MYT1L: variants seen among roughly 807,000 people sequenced by gnomAD.
MYT1L encodes myelin transcription factor 1 like, also known as myelin transcription factor 1-like protein.
In MYT1L, 12 loss-of-function variants were observed where a neutral mutation model predicts 126.7. The ratio of observed to expected loss-of-function variants is 0.09; its 90% CI spans 0.06 to 0.15. The LOEUF is 0.15. Ranked by LOEUF, MYT1L falls within the 10% of genes least tolerant of loss-of-function variation. The pLI, the probability that MYT1L is intolerant of heterozygous loss-of-function variation, is 1.00. For missense variants in MYT1L, 979 were observed against 1,585.2 expected (o/e 0.62, Z 6.49); for synonymous variants, 541 against 604.2 (o/e 0.90, Z 1.53).
At chr2:2,193,877 C>T (rs2092693934) in intron 2 of MYT1L, among the ~76,000 whole-genome samples, 1 of 152,094 alleles carries the variant, frequency 6.6e-6, no homozygotes, top group South Asian at 2.1e-4. Context: ...GAATATGAAA[C>T]AGTCCAAGGC....
chr2:1,865,073 G>A (rs990145285), intron 18 of MYT1L, among the ~76,000 whole-genome samples: 1 of 152,206 alleles, frequency 6.6e-6, no homozygotes, highest in Non-Finnish European at 1.5e-5. Flanking sequence ...GGGGAGGCGG[G>A]GGAAGGGCGC....
intron 2 of MYT1L, among the ~76,000 whole-genome samples, chr2:2,254,619 A>G (rs1299197165): frequency 6.6e-6 from 1 of 152,198 alleles, no homozygotes; most frequent in African/African-American, 2.4e-5. Flanking sequence ...AATCTTAGCT[A>G]TTATTAGTAC....
intron 22 of MYT1L, among the ~76,000 whole-genome samples, chr2:1,804,214 G>A (rs749979183): frequency 6.6e-6 from 1 of 152,134 alleles, no homozygotes; most frequent in East Asian, 1.9e-4. Context: ...TCCACCTCTC[G>A]GATTCAAACG....
At chr2:2,054,250 G>A (rs1451626213) in intron 3 of MYT1L, 127 bp from the exon 4 acceptor site, 1 of 152,566 alleles carries the variant, frequency 6.6e-6, no homozygotes, top group African/African-American at 2.4e-5. Context: ...GCCACGCTGG[G>A]TGCACAGACA....
chr2:2,319,620 G>A (rs571101021), intron 1 of MYT1L, among the ~76,000 whole-genome samples: 1 of 152,158 alleles, frequency 6.6e-6, no homozygotes, highest in African/African-American at 2.4e-5. Flanking sequence ...TTCCTGAAGT[G>A]CTGATTACCC....
At chr2:2,151,400 T>C (rs1388554436) in intron 3 of MYT1L, among the ~76,000 whole-genome samples, 1 of 151,986 alleles carries the variant, frequency 6.6e-6, no homozygotes, top group Non-Finnish European at 1.5e-5. Context: ...CCTCCCAATG[T>C]CCACACCGAG....
chr2:2,164,191 T>C (rs111442934), intron 3 of MYT1L, among the ~76,000 whole-genome samples: 1 of 152,182 alleles, frequency 6.6e-6, no homozygotes, highest in Non-Finnish European at 1.5e-5. Flanking sequence ...TATATGTGAA[T>C]AGGCGTTTGT....
In MYT1L at chr2:1,917,664, G is replaced by A. The variant is rs959895250; in HGVS notation, c.1484-325C>T. On this transcript the variant is annotated intron_variant, in intron 10 of 24. Coordinates refer to ENST00000647738, the MANE Select transcript of MYT1L (RefSeq NM_001303052.2). This position sits in a 1 kb window ranked among gnomAD's most constrained non-coding sequence, Gnocchi z 5.9. ...GCTCAAAGGAATCAACGTAAATCGTGATGAGACAGTGACCTTCTTAGAGAA... is the reference window on the plus strand; with the variant it reads ...GCTCAAAGGAATCAACGTAAATCGTAATGAGACAGTGACCTTCTTAGAGAA... Among the ~76,000 whole-genome samples, 1 of 152,300 alleles carries A rather than the reference G, an allele frequency of 6.6e-6. No individual in the cohort carries two copies.
chr2:1,838,431 C>A (rs947317337), intron 21 of MYT1L, among the ~76,000 whole-genome samples: 6 of 152,122 alleles, frequency 3.9e-5, no homozygotes, highest in Non-Finnish European at 8.8e-5. Flanking sequence ...GCATATAGGG[C>A]AGCAGAAAGG....
chr2:1,924,972 T>C (rs1171519300), intron 9 of MYT1L, among the ~76,000 whole-genome samples: 2 of 152,216 alleles, frequency 1.3e-5, no homozygotes, highest in Non-Finnish European at 2.9e-5. Flanking sequence ...CTTTGTTATA[T>C]TCATGGGCTG....
rs578073289 is a variant in MYT1L at position 2,089,767 on chromosome 2, G to A, written c.-303-35644C>T. 5.1e-4 allele frequency among the ~76,000 whole-genome samples: 78 copies of A among 152,096 alleles called. 1 individual carries two copies. Among genetic ancestry groups the A allele is most frequent in the African/African-American group, 1.3e-3 (53 of 41,460 alleles). On this transcript the variant is annotated intron_variant, in intron 3 of 24. Coordinates refer to ENST00000647738, the MANE Select transcript of MYT1L (RefSeq NM_001303052.2). ...TGTCGCTGTCTCTGACTCTGTCTCT[G>A]TCTCTCTCCTTTTCATCCACTCCTC... is the stretch of plus-strand genomic sequence containing the variant.
intron 2 of MYT1L, among the ~76,000 whole-genome samples, chr2:2,264,386 C>T (rs1050728886): frequency 6.6e-6 from 1 of 151,862 alleles, no homozygotes; most frequent in African/African-American, 2.4e-5. Flanking sequence ...TCTGATTACT[C>T]CCCCAAACCC....
At position 1,850,112 on chromosome 2, in the gene MYT1L, TC is replaced by T. The variant is rs1452089424; in HGVS notation, c.2774+1528del. On this transcript the variant is annotated intron_variant, in intron 19 of 24. Transcript: ENST00000647738. ...TATCTCCCTCTCTCCTTCCCTTCCC[TC>T]GCTCCCTTCCCTCCTGCCCCTCCCT... is the stretch of plus-strand genomic sequence containing the variant. Among the ~76,000 whole-genome samples, 3 of 151,148 alleles carry T rather than the reference TC, an allele frequency of 2.0e-5. 1 individual carries two copies. In the South Asian group the frequency reaches 6.4e-4, roughly 32 times the overall value.
chr2:2,250,072 G>A (rs2149209733), intron 2 of MYT1L, among the ~76,000 whole-genome samples: 1 of 152,212 alleles, frequency 6.6e-6, no homozygotes, highest in Non-Finnish European at 1.5e-5. Flanking sequence ...TACTCTTAGT[G>A]GAAATGTAAA....
rs55838351 is a variant in MYT1L at position 2,068,769 on chromosome 2, G to GTTTTTTTTTT, written c.-303-14656_-303-14647dup. 5.8e-3 allele frequency among the ~76,000 whole-genome samples: 152 copies of GTTTTTTTTTT among 26,202 alleles called. 13 individuals are homozygous for GTTTTTTTTTT. The highest frequency in any genetic ancestry group is 7.8e-3 in the East Asian group (4 of 512). 17.2% of individuals were successfully genotyped at this position (26,202 alleles called of 152,430 possible). On this transcript the variant is annotated intron_variant, in intron 3 of 24. Coordinates refer to ENST00000647738, the MANE Select transcript of MYT1L (RefSeq NM_001303052.2). ...GGACACAGACACCTGTGTTCTTCTTGTTTTTTTTTTTTTTTTTTTTTTTTT... is the reference window on the plus strand; with the variant it reads ...GGACACAGACACCTGTGTTCTTCTTGTTTTTTTTTTTTTTTTTTTTTTTTTTTTTTTTTTT...
chr2:1,845,394 A>C (rs565013712), intron 19 of MYT1L, among the ~76,000 whole-genome samples: 1 of 152,252 alleles, frequency 6.6e-6, no homozygotes, highest in African/African-American at 2.4e-5. Flanking sequence ...GCTCACCTGA[A>C]TATATCATAA....
chr2:2,167,905 T>C (rs1294257975), intron 3 of MYT1L, among the ~76,000 whole-genome samples: 1 of 152,250 alleles, frequency 6.6e-6, no homozygotes, highest in Admixed American at 6.5e-5. Context: ...ACATCTGGCA[T>C]GTAGTAGTTG....
chr2:1,792,762 C>T (rs187751356), intron 23 of MYT1L, among the ~76,000 whole-genome samples: 2 of 148,448 alleles, frequency 1.3e-5, no homozygotes, highest in South Asian at 2.2e-4. Flanking sequence ...CCCAGCTACT[C>T]GGGAGACTGA....
At chr2:2,125,748 G>GA (rs561691177) in intron 3 of MYT1L, among the ~76,000 whole-genome samples, 70 of 151,696 alleles carry the variant, frequency 4.6e-4, no homozygotes, top group Non-Finnish European at 7.8e-4. Flanking sequence ...AAGACCATAG[G>GA]AAAAAAAATG....
Sources: allele counts gnomAD v4.1 joint callset (sites outside exome capture counted in the v4.1 genomes callset), GRCh38; gene constraint gnomAD v4.1.1; non-coding constraint Gnocchi (gnomAD v3.1); transcripts MANE v1.5; gene names NCBI Gene and HGNC (gene_info 2026-07-23, HGNC 2026-07-21).